MYO5B: variants seen among roughly 807,000 people sequenced by gnomAD.
MYO5B encodes the protein unconventional myosin-Vb.
MYO5B carries 143 observed loss-of-function variants against 229.3 expected under a neutral mutation model. The ratio of observed to expected loss-of-function variants is 0.62; its 90% CI spans 0.54 to 0.72. The LOEUF is 0.72. Ranked by LOEUF, MYO5B falls within the 30% of genes least tolerant of loss-of-function variation. The pLI is 0.00. For synonymous variants in MYO5B, 918 were observed against 885.2 expected, an observed-to-expected ratio of 1.04 and a Z score of -0.66; for missense variants, 2,321 against 2,331.0, an observed-to-expected ratio of 1.00 and a Z score of 0.09.
chr18:50,018,630 C>G (rs988747783), intron 4 of MYO5B, among the ~76,000 whole-genome samples: 3 of 152,142 alleles, frequency 2.0e-5, no homozygotes, highest in Non-Finnish European at 4.4e-5. Flanking sequence ...CATCCCCATG[C>G]TACAGATAAG....
At chr18:49,831,289 A>G (rs2023917973) in intron 39 of MYO5B, among the ~76,000 whole-genome samples, 1 of 152,170 alleles carries the variant, frequency 6.6e-6, no homozygotes, top group African/African-American at 2.4e-5. Flanking sequence ...TCAAAATTTA[A>G]AACTCCTGCA....
At chr18:50,019,593 C>T (rs1250386438) in intron 4 of MYO5B, among the ~76,000 whole-genome samples, 1 of 152,208 alleles carries the variant, frequency 6.6e-6, no homozygotes, top group Non-Finnish European at 1.5e-5. Context: ...TGGCCAAGGC[C>T]ATGAGGAGGT....
chr18:50,003,713 G>A (rs756394331), intron 4 of MYO5B, among the ~76,000 whole-genome samples: 6 of 152,118 alleles, frequency 3.9e-5, no homozygotes, highest in Non-Finnish European at 7.4e-5. Context: ...TTATAGCAGC[G>A]ACACCCAAAA....
chr18:50,188,616 G>A (rs576344013), intron 1 of MYO5B, among the ~76,000 whole-genome samples: 31 of 151,870 alleles, frequency 2.0e-4, no homozygotes, highest in African/African-American at 5.1e-4. Flanking sequence ...GTAAAACCCC[G>A]TCTCTACTAA....
intron 12 of MYO5B, among the ~76,000 whole-genome samples, chr18:49,961,252 A>G (rs550461570): frequency 6.6e-6 from 1 of 152,314 alleles, no homozygotes; most frequent in South Asian, 2.1e-4. Flanking sequence ...CTGGACAAAC[A>G]CTTGCTACAC....
intron 34 of MYO5B, among the ~76,000 whole-genome samples, chr18:49,841,729 C>T (rs2024059858): frequency 6.6e-6 from 1 of 152,212 alleles, no homozygotes; most frequent in African/African-American, 2.4e-5. Context: ...GGCTGCCTTC[C>T]ATGGCTGAAG....
intron 34 of MYO5B, 96 bp from the exon 35 acceptor site, chr18:49,841,550 A>G: frequency 8.7e-7 from 1 of 1,144,116 alleles, no homozygotes; most frequent in South Asian, 1.2e-5. Flanking sequence ...ACCCTTACCT[A>G]GTGTTCCTGA....
At chr18:49,955,952 G>A (rs566629442) in intron 12 of MYO5B, among the ~76,000 whole-genome samples, 41 of 152,304 alleles carry the variant, frequency 2.7e-4, no homozygotes, top group African/African-American at 8.9e-4. Flanking sequence ...GCCCACATAG[G>A]CAAACACGTA....
intron 4 of MYO5B, among the ~76,000 whole-genome samples, chr18:50,035,449 A>G (rs1010867670): frequency 2.0e-5 from 3 of 151,606 alleles, no homozygotes; most frequent in Non-Finnish European, 4.4e-5. Context: ...CATGAAGTGC[A>G]TGTAGACTCA....
chr18:50,056,731 G>A (rs144125647), intron 1 of MYO5B, among the ~76,000 whole-genome samples: 3 of 149,360 alleles, frequency 2.0e-5, no homozygotes, highest in East Asian at 4.0e-4. Context: ...TCAAAGCAGT[G>A]TTTTCCTCCA....
chr18:50,024,885 A>C (rs1008960147), intron 4 of MYO5B, among the ~76,000 whole-genome samples: 41 of 152,194 alleles, frequency 2.7e-4, no homozygotes, highest in African/African-American at 9.7e-4. Flanking sequence ...AGCTTTGGGG[A>C]GTTCCTTTAA....
intron 1 of MYO5B, among the ~76,000 whole-genome samples, chr18:50,070,938 A>T (rs982371644): frequency 7.9e-5 from 12 of 152,282 alleles, no homozygotes; most frequent in Admixed American, 5.9e-4. Context: ...CTCTGGCCTC[A>T]GCCTCCTGGG....
At chr18:49,853,242 C>T (rs1356523494) in intron 31 of MYO5B, among the ~76,000 whole-genome samples, 1 of 152,198 alleles carries the variant, frequency 6.6e-6, no homozygotes, top group South Asian at 2.1e-4. Context: ...CCCCAGCCAA[C>T]GACAAGGCCC....
chr18:49,929,545 G>GTC lies in MYO5B; in HGVS notation c.2055_2056dup (p.Thr686ArgfsTer86). The GTC allele has an allele frequency of 6.2e-7, 1 of 1,608,970 alleles. No individual in the cohort carries two copies. The highest frequency in any genetic ancestry group is 8.5e-7 in the Non-Finnish European group (1 of 1,179,336). Reference sequence around the variant, plus strand: ...GTAGCCAGCTGCACTGATTCGAATCGTCTCCAACACCCCGCAGGCTCTGAG... The same window carrying GTC: ...GTAGCCAGCTGCACTGATTCGAATCGTCTCTCCAACACCCCGCAGGCTCTGAG... On this transcript the variant is annotated frameshift_variant, in exon 17 of 40. Coordinates refer to ENST00000285039, the MANE Select transcript of MYO5B (RefSeq NM_001080467.3). LOFTEE classifies it high-confidence loss of function.
At chr18:49,950,750 A>AT (rs2025422867) in intron 14 of MYO5B, among the ~76,000 whole-genome samples, 1 of 152,138 alleles carries the variant, frequency 6.6e-6, no homozygotes, top group African/African-American at 2.4e-5. Flanking sequence ...CAATACTTTA[A>AT]TTTTTTATGA....
At chr18:49,849,796 C>G in intron 31 of MYO5B, 136 bp from the exon 32 acceptor site, 1 of 748,974 alleles carries the variant, frequency 1.3e-6, no homozygotes, top group Non-Finnish European at 2.4e-6. Context: ...AGGGACGCTG[C>G]CAGGAGAGCT....
At chr18:49,981,506 T>C (rs1407824711) in intron 8 of MYO5B, among the ~76,000 whole-genome samples, 1 of 152,278 alleles carries the variant, frequency 6.6e-6, no homozygotes, top group Admixed American at 6.5e-5. Flanking sequence ...TAGGCTTTTA[T>C]GTTAGATGGC....
At chr18:50,032,973 G>T (rs1205609914) in intron 4 of MYO5B, among the ~76,000 whole-genome samples, 1 of 151,600 alleles carries the variant, frequency 6.6e-6, no homozygotes, top group Non-Finnish European at 1.5e-5. Flanking sequence ...GGCAACAAGA[G>T]TGAAACTCAT....
chr18:50,086,484 G>A (rs1005561087), intron 1 of MYO5B, among the ~76,000 whole-genome samples: 69 of 152,178 alleles, frequency 4.5e-4, no homozygotes, highest in African/African-American at 1.6e-3. Flanking sequence ...ATTGTGGTGT[G>A]TGCACGTGTG....
Sources: gnomAD v4.1 joint callset for allele counts (sites outside exome capture counted in the v4.1 genomes callset) on GRCh38, gnomAD v4.1.1 for gene constraint, MANE v1.5 for transcripts, NCBI Gene and HGNC (gene_info 2026-07-23, HGNC 2026-07-21) for gene names.